The following RPS6KB1 variants were observed in gnomAD, a reference collection of about 807,000 sequenced individuals.
RPS6KB1 encodes ribosomal protein S6 kinase B1.
Under a neutral mutation model 70.2 loss-of-function variants are expected in RPS6KB1, and 12 were observed. The observed-to-expected ratio is 0.17, with a 90% CI of 0.11 to 0.28. The LOEUF (loss-of-function observed/expected upper bound fraction) is 0.28. Ranked by LOEUF, RPS6KB1 falls within the 10% of genes least tolerant of loss-of-function variation. RPS6KB1 has a pLI of 1.00. For missense variants in RPS6KB1, 270 were observed against 646.6 expected, an observed-to-expected ratio of 0.42 and a Z score of 6.32; for synonymous variants, 175 against 211.2, an observed-to-expected ratio of 0.83 and a Z score of 1.49.
Position 59,947,746 on chromosome 17 carries a change from T to TG in RPS6KB1, c.*960dup. The TG allele has an allele frequency of 1.7e-6, 1 of 599,846 alleles. No individual in the cohort carries two copies. Among genetic ancestry groups the TG allele is most frequent in the Non-Finnish European group, 3.0e-6 (1 of 329,296 alleles). 37.2% of individuals were successfully genotyped at this position (599,846 alleles called of 1,614,324 possible). A position where few individuals can be genotyped will look rare whatever the true frequency, so the allele number is the denominator to read the frequency against. On this transcript the variant is annotated 3_prime_UTR_variant, in exon 15 of 15. Coordinates refer to ENST00000225577, the MANE Select transcript of RPS6KB1 (RefSeq NM_003161.4). ...CAAGACACCAAATGTCTTCAGCCCA[T>TG]GGCTGAAGAACAACAGAAGAGAGTC...
chr17:59,932,783 G>A, intron 7 of RPS6KB1, among the ~76,000 whole-genome samples: 1 of 152,016 alleles, frequency 6.6e-6, no homozygotes, highest in Admixed American at 6.6e-5. Flanking sequence ...AAACTCCTGA[G>A]CTCAATTGAT....
At chr17:59,938,184 T>TTGG (rs1568492712) in intron 12 of RPS6KB1, among the ~76,000 whole-genome samples, 4 of 109,134 alleles carry the variant, frequency 3.7e-5, no homozygotes, top group Non-Finnish European at 5.4e-5. Context: ...TTTTTTTTTT[T>TTGG]GGGGGGGGGA....
At chr17:59,920,480 T>C (rs1418798659) in intron 4 of RPS6KB1, among the ~76,000 whole-genome samples, 2 of 152,244 alleles carry the variant, frequency 1.3e-5, no homozygotes, top group Non-Finnish European at 2.9e-5. Context: ...GAACAAATAC[T>C]GTGACCACAA....
intron 12 of RPS6KB1, among the ~76,000 whole-genome samples, chr17:59,939,436 T>C (rs981615792): frequency 2.6e-5 from 4 of 152,130 alleles, no homozygotes; most frequent in Admixed American, 2.0e-4. Context: ...TACACCACCA[T>C]GCCCAGCTAA....
chr17:59,924,811 T>TTTTA (rs200181363), intron 4 of RPS6KB1, among the ~76,000 whole-genome samples: 3,755 of 148,676 alleles, frequency 0.025, 55 homozygotes, highest in South Asian at 0.027. Flanking sequence ...CTTATTTTTA[T>TTTTA]TTTATTTATT....
At position 59,928,073 on chromosome 17, in the gene RPS6KB1, G is replaced by A. The variant is rs539251066; in HGVS notation, c.529+1491G>A. On this transcript the variant is annotated intron_variant, in intron 5 of 14. Coordinates refer to ENST00000225577, the MANE Select transcript of RPS6KB1 (RefSeq NM_003161.4). ...CTCGGGAGGCTGAGGCAGGAGAATC[G>A]CTTGAACCTGGGAGACGGAGGTTGT... Among the ~76,000 whole-genome samples, 6 of 151,822 alleles carry A rather than the reference G, an allele frequency of 4.0e-5. No individual in the cohort carries two copies. The South Asian group carries it at 6.2e-4, about 16-fold the overall frequency.
intron 4 of RPS6KB1, among the ~76,000 whole-genome samples, chr17:59,920,883 G>C (rs1054015696): frequency 6.6e-6 from 1 of 152,166 alleles, no homozygotes; most frequent in Non-Finnish European, 1.5e-5. Flanking sequence ...ACTTTTGGTA[G>C]AGACAGGGTT....
At chr17:59,910,429 CTGT>C (rs2042565629) in intron 1 of RPS6KB1, 130 bp from the exon 2 acceptor site, 1 of 575,484 alleles carries the variant, frequency 1.7e-6, no homozygotes, top group Admixed American at 3.4e-5. Context: ...CCATATTTGC[CTGT>C]TGTTGAAGTA....
In RPS6KB1 at chr17:59,949,658, TTC is replaced by T. The variant is rs1255129152; in HGVS notation, c.*2872_*2873del. The stretch of plus-strand genomic sequence containing the variant: ...GAACCAGATTTTTAGGAAAATTATG[TTC>T]TTTTTCCCCCTTTATGGTCTTAACT... On this transcript the variant is annotated 3_prime_UTR_variant, in exon 15 of 15. Coordinates refer to ENST00000225577, the MANE Select transcript of RPS6KB1 (RefSeq NM_003161.4). 10 of 152,644 alleles carry T rather than the reference TTC, an allele frequency of 6.6e-5. No homozygotes were observed. The highest frequency in any genetic ancestry group is 2.2e-4 in the African/African-American group (9 of 41,570). 9.5% of individuals were successfully genotyped at this position (152,644 alleles called of 1,614,324 possible).
intron 4 of RPS6KB1, among the ~76,000 whole-genome samples, chr17:59,916,150 G>C (rs1174479067): frequency 4.6e-5 from 7 of 151,600 alleles, no homozygotes. Flanking sequence ...GCCCAGGCTG[G>C]AGTGCAGTGG....
intron 4 of RPS6KB1, among the ~76,000 whole-genome samples, chr17:59,922,330 C>T (rs1053085420): frequency 3.3e-5 from 5 of 151,926 alleles, no homozygotes; most frequent in South Asian, 2.1e-4. Context: ...CTTGAGCCTC[C>T]GTTCCCGGCC....
At chr17:59,900,422 A>G (rs1281943910) in intron 1 of RPS6KB1, among the ~76,000 whole-genome samples, 2 of 151,792 alleles carry the variant, frequency 1.3e-5, no homozygotes, top group Non-Finnish European at 2.9e-5. Flanking sequence ...CTGGAGTGCA[A>G]TGGCGCGATC....
intron 13 of RPS6KB1, among the ~76,000 whole-genome samples, chr17:59,944,791 C>CTTTT (rs3066277): frequency 3.1e-3 from 423 of 134,458 alleles, no homozygotes; most frequent in East Asian, 0.011. Flanking sequence ...TATTTAACAT[C>CTTTT]TTTTTTTTTT....
intron 13 of RPS6KB1, among the ~76,000 whole-genome samples, chr17:59,941,384 G>A (rs1456713246): frequency 1.3e-5 from 2 of 150,702 alleles, no homozygotes; most frequent in Non-Finnish European, 1.5e-5. Flanking sequence ...TAGTGTAGTG[G>A]TGTGATCACA....
At chr17:59,914,733 A>G in intron 4 of RPS6KB1, 30 bp downstream of exon 4, 1 of 1,453,780 alleles carries the variant, frequency 6.9e-7, no homozygotes. Flanking sequence ...TTTAGTCCTC[A>G]CACACCATAT....
At chr17:59,920,631 T>C (rs902830282) in intron 4 of RPS6KB1, among the ~76,000 whole-genome samples, 1 of 152,214 alleles carries the variant, frequency 6.6e-6, no homozygotes, top group Non-Finnish European at 1.5e-5. Flanking sequence ...CTGTAAAACA[T>C]GTTAGGTATA....
intron 4 of RPS6KB1, 36 bp from the exon 5 acceptor site, chr17:59,926,399 C>T (rs779925854): frequency 1.3e-5 from 19 of 1,425,826 alleles, no homozygotes; most frequent in Non-Finnish European, 1.8e-5. Context: ...AAAATGTTCA[C>T]TATTTTGTTC....
chr17:59,919,186 G>C (rs2043130566), intron 4 of RPS6KB1, among the ~76,000 whole-genome samples: 1 of 152,054 alleles, frequency 6.6e-6, no homozygotes, highest in African/African-American at 2.4e-5. Flanking sequence ...TTCTCTGCAG[G>C]GTAGTCAAGT....
chr17:59,924,114 A>G (rs1353964040), intron 4 of RPS6KB1, among the ~76,000 whole-genome samples: 1 of 152,126 alleles, frequency 6.6e-6, no homozygotes, highest in Non-Finnish European at 1.5e-5. Context: ...CGGGCGGATC[A>G]TGAGCTCAGT....
Sources: gnomAD v4.1 joint callset for allele counts (sites outside exome capture counted in the v4.1 genomes callset) on GRCh38, gnomAD v4.1.1 for gene constraint, MANE v1.5 for transcripts, NCBI Gene and HGNC (gene_info 2026-07-23, HGNC 2026-07-21) for gene names.